BRCA1: variants seen among roughly 807,000 people sequenced by gnomAD.
BRCA1 encodes BRCA1 DNA repair associated.
BRCA1 carries 140 observed loss-of-function variants against 173.7 expected under a neutral mutation model. The observed-to-expected ratio is 0.81, with a 90% CI of 0.70 to 0.93. The LOEUF (loss-of-function observed/expected upper bound fraction) is 0.93. Ranked by LOEUF, BRCA1 falls within the 40% of genes least tolerant of loss-of-function variation. The probability of loss-of-function intolerance (pLI) is 0.00; values close to 1 mark genes in which losing one functional copy is unlikely to be tolerated. For missense variants in BRCA1, 1,983 were observed against 2,172.5 expected, an observed-to-expected ratio of 0.91 and a Z score of 1.73; for synonymous variants, 662 against 756.0, an observed-to-expected ratio of 0.88 and a Z score of 2.04.
Position 43,051,054 on chromosome 17 carries a change from G to A in BRCA1, c.5332+9C>T, listed in dbSNP as rs2051192763. The A allele has an allele frequency of 1.2e-6, 2 of 1,613,452 alleles. No homozygotes were observed. The highest frequency in any genetic ancestry group is 1.7e-6 in the Non-Finnish European group (2 of 1,179,446). On this transcript the variant is annotated intron_variant, in intron 20 of 22. Transcript: ENST00000357654. ...GTGCTGGAACTCTGGGGTTCTCCCAGGCTCTTACCTGTGGGCATGTTGGTG... is the reference window on the plus strand; with the variant it reads ...GTGCTGGAACTCTGGGGTTCTCCCAAGCTCTTACCTGTGGGCATGTTGGTG...
At chr17:43,070,905 G>C in intron 15 of BRCA1, 23 bp downstream of exon 15, 1 of 1,612,854 alleles carries the variant, frequency 6.2e-7, no homozygotes, top group South Asian at 1.1e-5. Context: ...AGTCATTAGG[G>C]AGATACATAT....
intron 1 of BRCA1, chr17:43,162,331 T>C (rs909209937): frequency 2.0e-5 from 3 of 152,222 alleles, no homozygotes; most frequent in Admixed American, 2.0e-4. Context: ...CTTATTACTA[T>C]TAATGACAGC....
chr17:43,133,109 A>T (rs915136569), intron 1 of BRCA1: 1 of 152,076 alleles, frequency 6.6e-6, no homozygotes, highest in African/African-American at 2.4e-5. Flanking sequence ...CATCCATACA[A>T]TGGAGATAAT....
chr17:43,115,815 G>A (rs2154565987), intron 2 of BRCA1, 36 bp from the exon 3 acceptor site: 1 of 1,578,884 alleles, frequency 6.3e-7, no homozygotes, highest in Non-Finnish European at 8.7e-7. Context: ...GAAAATAAAT[G>A]AGGCTCAATA....
In BRCA1 at chr17:43,099,779, T is replaced by C. The variant is rs397507250; in HGVS notation, c.543A>G (p.Glu181=). ...IQPQKTSVYI[E]LGSDSSEDTV... is the part of the protein sequence containing the mutation. ...TAAAAAACCTGAGACCCTTACCCAA[T>C]TCAATGTAGACAGACGTCTTTTGAG... Residue 181 remains glutamate (E), a synonymous_variant, in exon 7 of 23, where the codon GAA becomes GAG. Coordinates refer to ENST00000357654, the MANE Select transcript of BRCA1 (RefSeq NM_007294.4). 5.6e-6 allele frequency: 9 copies of C among 1,604,408 alleles called. No individual in the cohort carries two copies. Among genetic ancestry groups the C allele is most frequent in the Non-Finnish European group, 7.7e-6 (9 of 1,171,376 alleles).
chr17:43,067,802 C>A (rs569040435), intron 15 of BRCA1, 107 bp from the exon 16 acceptor site: 1 of 759,588 alleles, frequency 1.3e-6, no homozygotes. Context: ...CAATCCTGCA[C>A]GTTCTACACG....
At chr17:43,079,432 G>A (rs1256065626) in intron 12 of BRCA1, 2 of 1,545,534 alleles carry the variant, frequency 1.3e-6, no homozygotes, top group Non-Finnish European at 1.8e-6. Context: ...GACATCAAGG[G>A]AACGGGTACT....
At chr17:43,063,533 A>G (rs1417371897) in intron 17 of BRCA1, among the ~76,000 whole-genome samples, 160 bp from the exon 18 acceptor site, 1 of 152,204 alleles carries the variant, frequency 6.6e-6, no homozygotes, top group East Asian at 1.9e-4. Context: ...TTGTAGCAGC[A>G]GTTTCCTTCT....
At chr17:43,159,390 G>A (rs1198234143) in intron 1 of BRCA1, 9 of 157,580 alleles carry the variant, frequency 5.7e-5, no homozygotes, top group East Asian at 1.7e-4. Context: ...CCTCCCGGAC[G>A]GGGCGGCTGG....
At position 43,122,917 on chromosome 17, in the gene BRCA1, C is replaced by T. The variant is rs1292492653; in HGVS notation, c.80+1100G>A. Among the ~76,000 whole-genome samples the T allele has an allele frequency of 1.1e-4, 16 of 151,330 alleles. 2 individuals are homozygous for T. The highest frequency in any genetic ancestry group is 3.6e-4 in the African/African-American group (15 of 41,120). On this transcript the variant is annotated intron_variant, in intron 2 of 22. Coordinates refer to ENST00000357654, the MANE Select transcript of BRCA1 (RefSeq NM_007294.4). ...AAAAAAATACAAAAAATTAGCCGGG[C>T]GTGGTAGTGGGTGCTTGTAGTCCCA...
At chr17:43,134,913 G>A (rs976294643) in intron 1 of BRCA1, among the ~76,000 whole-genome samples, 1 of 152,220 alleles carries the variant, frequency 6.6e-6, no homozygotes, top group African/African-American at 2.4e-5. Context: ...CGCCCAGGCC[G>A]AGGGCAGTGA....
In BRCA1 at chr17:43,063,779, C is replaced by T. The variant is rs1389468988; in HGVS notation, c.5152+95G>A. The T allele has an allele frequency of 4.1e-6, 4 of 969,556 alleles. No homozygotes were observed. The East Asian group carries it at 7.5e-5, about 18-fold the overall frequency. 60.1% of individuals were successfully genotyped at this position (969,556 alleles called of 1,614,324 possible). ...TAAAGACCTTTTGGTAACTCAGACTCAGCATCAGCAAAAACCTTAGGTGTT... is the reference window on the plus strand; with the variant it reads ...TAAAGACCTTTTGGTAACTCAGACTTAGCATCAGCAAAAACCTTAGGTGTT... On this transcript the variant is annotated intron_variant, in intron 17 of 22. Coordinates refer to ENST00000357654, the MANE Select transcript of BRCA1 (RefSeq NM_007294.4).
At chr17:43,095,807 CTT>C (rs763949697) in intron 9 of BRCA1, 37 bp downstream of exon 9, 2 of 1,531,698 alleles carry the variant, frequency 1.3e-6, no homozygotes, top group Non-Finnish European at 1.8e-6. Flanking sequence ...TACCCACTCT[CTT>C]TTCAGTGCCT....
At chr17:43,059,513 C>T (rs570513790) in intron 18 of BRCA1, among the ~76,000 whole-genome samples, 1 of 151,160 alleles carries the variant, frequency 6.6e-6, no homozygotes, top group Non-Finnish European at 1.5e-5. Flanking sequence ...ACAACAACAA[C>T]AAATTCTCAC....
rs878854929 is a variant in BRCA1, at chr17:43,094,432, T to C, written c.1099A>G (p.Thr367Ala). ...KLPCSENPRD[T>A]EDVPWITLNS... ...AGTGTTATCCAAGGAACATCTTCAG[T>C]ATCTCTAGGATTCTCTGAGCATGGC... The change falls in exon 10 of 23, where the codon ACT becomes GCT. Residue 367 changes from threonine to alanine, a missense_variant. Thr to Ala is a moderately conservative substitution (Grantham distance 58). Coordinates refer to ENST00000357654, the MANE Select transcript of BRCA1 (RefSeq NM_007294.4). The C allele has an allele frequency of 6.2e-7, 1 of 1,614,160 alleles. No homozygotes were observed.
chr17:43,095,588 AAAC>A (rs1189402803), intron 9 of BRCA1, among the ~76,000 whole-genome samples: 1 of 151,406 alleles, frequency 6.6e-6, no homozygotes, highest in Admixed American at 6.6e-5. Context: ...TCTCAAAAAA[AAAC>A]AAACAAACAA....
At chr17:43,065,792 C>T (rs182882946) in intron 16 of BRCA1, among the ~76,000 whole-genome samples, 202 of 152,316 alleles carry the variant, frequency 1.3e-3, no homozygotes, top group African/African-American at 4.6e-3. Context: ...GTCCTCCATG[C>T]ACTCGTCTGC....
intron 2 of BRCA1, chr17:43,119,141 T>C (rs2055430927): frequency 4.6e-6 from 1 of 215,412 alleles, no homozygotes; most frequent in Non-Finnish European, 9.4e-6. Flanking sequence ...GACAAGAATG[T>C]GGTTTTTTCC....
rs1555575700 is a variant in BRCA1 at position 43,051,080 on chromosome 17, A to C, written c.5315T>G (p.Phe1772Cys). 1 of 1,614,076 alleles carries C rather than the reference A, an allele frequency of 6.2e-7. No homozygotes were observed. The highest frequency in any genetic ancestry group is 2.2e-5 in the East Asian group (1 of 44,876). ...RGLEICCYGP[F>C]TNMPTDQLEW... ...GCTCTTACCTGTGGGCATGTTGGTG[A>C]AGGGCCCATAGCAACAGATTTCTAG... Residue 1772 changes from phenylalanine to cysteine, a missense_variant, in exon 20 of 23, where the codon TTC becomes TGC. Coordinates refer to ENST00000357654, the MANE Select transcript of BRCA1 (RefSeq NM_007294.4).
Sources: allele counts gnomAD v4.1 joint callset (sites outside exome capture counted in the v4.1 genomes callset), GRCh38; gene constraint gnomAD v4.1.1; transcripts MANE v1.5; gene names NCBI Gene and HGNC (gene_info 2026-07-23, HGNC 2026-07-21).